Variants in LARP4B observed in about 807,000 individuals in gnomAD.
The protein encoded by LARP4B is la-related protein 4B.
A neutral mutation model predicts 89.8 loss-of-function variants in LARP4B; 12 were observed. That is an observed-to-expected ratio of 0.13 (90% CI 0.09 to 0.22). LARP4B has a LOEUF of 0.22. Among genes scored for constraint, LARP4B ranks in the 10% least tolerant of loss-of-function variants. The pLI, the probability that LARP4B is intolerant of heterozygous loss-of-function variation, is 1.00. For synonymous variants in LARP4B, 367 were observed against 363.3 expected, an observed-to-expected ratio of 1.01 and a Z score of -0.12; for missense variants, 757 against 947.7, an observed-to-expected ratio of 0.80 and a Z score of 2.64.
chr10:866,965 A>G (rs1202563734), intron 3 of LARP4B, among the ~76,000 whole-genome samples: 1 of 152,250 alleles, frequency 6.6e-6, no homozygotes, highest in Non-Finnish European at 1.5e-5. Flanking sequence ...GATAGCCAGC[A>G]CAGTCCTGAA....
intron 5 of LARP4B, among the ~76,000 whole-genome samples, chr10:854,380 T>TA (rs565504484): frequency 6.6e-6 from 1 of 152,212 alleles, no homozygotes; most frequent in Non-Finnish European, 1.5e-5. Context: ...CCATGATCTA[T>TA]ACAGCTAGAG....
intron 7 of LARP4B, among the ~76,000 whole-genome samples, chr10:840,271 C>A (rs1215423325): frequency 6.6e-6 from 1 of 152,126 alleles, no homozygotes; most frequent in African/African-American, 2.4e-5. Flanking sequence ...GCAGGGGTGA[C>A]ACCCTCTGCA....
intron 1 of LARP4B, among the ~76,000 whole-genome samples, chr10:911,693 G>T (rs1294737434): frequency 6.6e-6 from 1 of 152,156 alleles, no homozygotes; most frequent in East Asian, 1.9e-4. Flanking sequence ...TTCTGGAAGG[G>T]TCTTCTGTTT....
At position 843,010 on chromosome 10, in the gene LARP4B, G is replaced by C; in HGVS notation, c.568C>G (p.Pro190Ala). 1.9e-6 allele frequency: 3 copies of C among 1,613,750 alleles called. No homozygotes were observed. The highest frequency in any genetic ancestry group is 2.5e-6 in the Non-Finnish European group (3 of 1,179,642). ...ISQMDSDQYV[P>A]ITTVANLDHI... Reference sequence around the variant, plus strand: ...TCGAGGTTAGCCACCGTTGTGATTGGCACATACTGGTCACTATCCATCTGT... The same window carrying C: ...TCGAGGTTAGCCACCGTTGTGATTGCCACATACTGGTCACTATCCATCTGT... The change falls in exon 7 of 18, where the codon CCA becomes GCA. Residue 190 changes from proline to alanine, a missense_variant. Physicochemically the swap from Pro to Ala is conservative, Grantham distance 27 (BLOSUM62 -1). This residue lies in a region of LARP4B where 54 missense variants were observed against 96.0 expected (regional missense o/e 0.56). Coordinates refer to ENST00000316157, the MANE Select transcript of LARP4B (RefSeq NM_015155.3).
intron 1 of LARP4B, among the ~76,000 whole-genome samples, chr10:901,998 C>T (rs992387560): frequency 4.6e-5 from 7 of 152,174 alleles, no homozygotes; most frequent in Non-Finnish European, 8.8e-5. Flanking sequence ...AAATTTAGAA[C>T]GTGTCTACTA....
At chr10:927,987 C>T (rs982214423) in intron 1 of LARP4B, among the ~76,000 whole-genome samples, 1 of 151,504 alleles carries the variant, frequency 6.6e-6, no homozygotes, top group African/African-American at 2.4e-5. Context: ...CCGAGGCGGG[C>T]GAATCACCTG....
At chr10:831,659 A>G (rs186969463) in intron 8 of LARP4B, among the ~76,000 whole-genome samples, 33 of 152,328 alleles carry the variant, frequency 2.2e-4, no homozygotes, top group South Asian at 6.2e-4. Flanking sequence ...CTAAACACAC[A>G]GGATAGCAGG....
At chr10:859,206 G>C (rs1292396183) in intron 5 of LARP4B, among the ~76,000 whole-genome samples, 1 of 151,520 alleles carries the variant, frequency 6.6e-6, no homozygotes, top group Non-Finnish European at 1.5e-5. Flanking sequence ...TTGAACCCGG[G>C]AGGTGGACGT....
At chr10:978,481 CTTCAT>C in the LARP4B span, among the ~76,000 whole-genome samples, 1 of 150,964 alleles carries the variant, frequency 6.6e-6, no homozygotes, top group Non-Finnish European at 1.5e-5. Context: ...TTTTTCTTGC[CTTCAT>C]TTCAATTAGC....
chr10:828,319 G>A (rs987584797), intron 11 of LARP4B, among the ~76,000 whole-genome samples: 28 of 152,198 alleles, frequency 1.8e-4, no homozygotes, highest in African/African-American at 6.5e-4. Flanking sequence ...CAACCTAGAT[G>A]ACAACACAAT....
At chr10:896,048 C>T (rs960085869) in intron 1 of LARP4B, among the ~76,000 whole-genome samples, 15 of 151,244 alleles carry the variant, frequency 9.9e-5, no homozygotes, top group Non-Finnish European at 2.1e-4. Context: ...GGAGAAGCTG[C>T]CCATGCAGGA....
intron 3 of LARP4B, among the ~76,000 whole-genome samples, chr10:873,605 T>C (rs1835332743): frequency 2.0e-5 from 3 of 152,262 alleles, no homozygotes; most frequent in South Asian, 4.1e-4. Context: ...TTCCGTAAAA[T>C]ATATAGCTAC....
rs1200553211 is a variant in LARP4B at position 813,014 on chromosome 10, C to G, written c.2129G>C (p.Arg710Thr). 1 of 1,604,760 alleles carries G rather than the reference C, an allele frequency of 6.2e-7. No individual in the cohort carries two copies. The highest frequency in any genetic ancestry group is 8.5e-7 in the Non-Finnish European group (1 of 1,177,916). ...KSTPGAPRDQRRPAGGRPSPS... is the reference protein window; with the variant it reads ...KSTPGAPRDQTRPAGGRPSPS... The stretch of plus-strand genomic sequence containing the variant: ...CGAGGGCCGGCCCCCCGCCGGCCGC[C>G]TCTGGTCTCTGGGGGCTCCAGGTGT... Residue 710 changes from arginine (R) to threonine (T), a missense_variant, in exon 18 of 18, where the codon AGG (arginine) becomes ACG (threonine). Physicochemically the swap from Arg to Thr is moderately conservative, Grantham distance 71 (BLOSUM62 -1). This residue lies in a region of LARP4B where 387 missense variants were observed against 423.6 expected (regional missense o/e 0.91). Coordinates refer to ENST00000316157, the MANE Select transcript of LARP4B (RefSeq NM_015155.3).
chr10:917,375 G>T (rs533704615), intron 1 of LARP4B, among the ~76,000 whole-genome samples: 15 of 152,140 alleles, frequency 9.9e-5, no homozygotes, highest in African/African-American at 3.6e-4. Context: ...CTTATTTTAT[G>T]ACAGTCTAAT....
intron 3 of LARP4B, among the ~76,000 whole-genome samples, chr10:871,660 C>T (rs774322161): frequency 6.6e-6 from 1 of 152,088 alleles, no homozygotes; most frequent in Non-Finnish European, 1.5e-5. Context: ...GGACAGGTTC[C>T]GGCTCCCAGC....
At chr10:969,260 T>C in the LARP4B span, among the ~76,000 whole-genome samples, 574 of 152,318 alleles carry the variant, frequency 3.8e-3, 5 homozygotes, top group African/African-American at 0.013. Flanking sequence ...TTCCTCCATT[T>C]ACCTTCCCGG....
At chr10:962,962 T>C in the LARP4B span, among the ~76,000 whole-genome samples, 1 of 152,160 alleles carries the variant, frequency 6.6e-6, no homozygotes, top group Non-Finnish European at 1.5e-5. Flanking sequence ...GGCAGAGGGC[T>C]GAGCTTCACG....
intron 6 of LARP4B, among the ~76,000 whole-genome samples, chr10:843,427 G>A (rs1288071789): frequency 3.3e-5 from 5 of 152,302 alleles, no homozygotes; most frequent in South Asian, 2.1e-4. Flanking sequence ...GGCCGGGCAC[G>A]GTGGCTCACG....
intron 6 of LARP4B, among the ~76,000 whole-genome samples, chr10:843,403 A>G (rs763422366): frequency 6.6e-6 from 1 of 152,220 alleles, no homozygotes; most frequent in Non-Finnish European, 1.5e-5. Context: ...TTAAAAATGC[A>G]TACAATTTTG....
Sources: gnomAD v4.1 joint callset for allele counts (sites outside exome capture counted in the v4.1 genomes callset) on GRCh38, gnomAD v4.1.1 for gene constraint, gnomAD v4.1.1 regional missense constraint, MANE v1.5 for transcripts, NCBI Gene and HGNC (gene_info 2026-07-23, HGNC 2026-07-21) for gene names.